Variants in XIRP2 observed in about 807,000 individuals in gnomAD.
XIRP2 encodes xin actin binding repeat containing 2.
A neutral mutation model predicts 277.0 loss-of-function variants in XIRP2; 236 were observed. The ratio of observed to expected loss-of-function variants is 0.85; its 90% CI spans 0.77 to 0.95. XIRP2 has a LOEUF of 0.95. Ranked by LOEUF, XIRP2 falls within the 40% of genes least tolerant of loss-of-function variation. XIRP2 has a pLI of 0.00. For missense variants in XIRP2, 4,640 were observed against 4,157.5 expected (o/e 1.12, Z -3.19); for synonymous variants, 1,490 against 1,416.5 (o/e 1.05, Z -1.17).
chr2:166,961,162 A>C (rs1039523375), intron 2 of XIRP2, among the ~76,000 whole-genome samples: 3 of 151,696 alleles, frequency 2.0e-5, no homozygotes, highest in African/African-American at 7.3e-5. Context: ...TTCTGGGTGA[A>C]GAGAGCACAG....
At chr2:167,083,436 C>T (rs9711407) in intron 2 of XIRP2, among the ~76,000 whole-genome samples, 147,253 of 152,294 alleles carry the variant, frequency 0.97, 71,253 homozygotes, top group Non-Finnish European at 0.99. Context: ...GGCTCTTTTT[C>T]GGTTCCATAT....
At chr2:167,134,402 GCTTTT>G (rs1057058493) in intron 2 of XIRP2, among the ~76,000 whole-genome samples, 5 of 151,502 alleles carry the variant, frequency 3.3e-5, no homozygotes, top group Non-Finnish European at 7.4e-5. Flanking sequence ...AAATTGAAAA[GCTTTT>G]CTTTTCTAAC....
chr2:166,988,435 T>A (rs76885965), intron 2 of XIRP2, among the ~76,000 whole-genome samples: 5,437 of 150,860 alleles, frequency 0.036, 137 homozygotes, highest in East Asian at 0.06. Flanking sequence ...GAAAAAAAAA[T>A]TAATGGGAAA....
chr2:167,091,915 A>G (rs1355343469), intron 2 of XIRP2, among the ~76,000 whole-genome samples: 1 of 152,132 alleles, frequency 6.6e-6, no homozygotes, highest in African/African-American at 2.4e-5. Flanking sequence ...TCAGGGTCCA[A>G]TCCCAAAGTC....
At position 167,258,466 on chromosome 2, in the gene XIRP2, T is replaced by C. The variant is rs1415475384; in HGVS notation, c.*649T>C. On this transcript the variant is annotated 3_prime_UTR_variant, in exon 11 of 11. Transcript: ENST00000409195. ...AGGAAGGAAGGAAGAATGTGCAAGATAGGCCGAGTGAAGCTGAAGACACAA... is the reference window on the plus strand; with the variant it reads ...AGGAAGGAAGGAAGAATGTGCAAGACAGGCCGAGTGAAGCTGAAGACACAA... 1 of 1,613,004 alleles carries C rather than the reference T, an allele frequency of 6.2e-7. No individual in the cohort carries two copies. Among genetic ancestry groups the C allele is most frequent in the African/African-American group, 1.3e-5 (1 of 74,776 alleles).
intron 2 of XIRP2, among the ~76,000 whole-genome samples, chr2:167,056,739 A>G (rs1177976234): frequency 6.6e-6 from 1 of 152,158 alleles, no homozygotes; most frequent in African/African-American, 2.4e-5. Context: ...TACAGGTATG[A>G]TGAGTCATTT....
At chr2:167,016,870 T>G (rs1248014416) in intron 2 of XIRP2, among the ~76,000 whole-genome samples, 1 of 151,966 alleles carries the variant, frequency 6.6e-6, no homozygotes, top group Non-Finnish European at 1.5e-5. Context: ...AGTAGTTTAG[T>G]GACTTAGGGA....
chr2:167,172,429 A>G (rs1286302017), intron 3 of XIRP2, among the ~76,000 whole-genome samples: 1 of 152,098 alleles, frequency 6.6e-6, no homozygotes, highest in Admixed American at 6.5e-5. Context: ...GCAGACAAGC[A>G]GTCTGACCAA....
chr2:167,254,045 A>G lies in XIRP2; in HGVS notation c.10569A>G (p.Pro3523=), dbSNP rs755645069. The G allele has an allele frequency of 1.1e-5, 17 of 1,593,102 alleles. No homozygotes were observed. The South Asian group carries it at 1.9e-4, about 18-fold the overall frequency. Residue 3523 remains proline, a synonymous_variant, in exon 10 of 11, where the codon CCA becomes CCG. Transcript: ENST00000409195. Reference sequence around the variant, plus strand: ...TTTTATTTTTAGAAGCTGCTGCTCCAAGACAAGGAAATATGTATACTTTGT... The same window carrying G: ...TTTTATTTTTAGAAGCTGCTGCTCCGAGACAAGGAAATATGTATACTTTGT... ...ESAFISEAAA[P]RQGNMYTLSK... is the part of the protein sequence containing the mutation.
At chr2:166,916,275 C>A (rs956588903) in intron 2 of XIRP2, among the ~76,000 whole-genome samples, 5 of 152,298 alleles carry the variant, frequency 3.3e-5, no homozygotes, top group African/African-American at 1.2e-4. Flanking sequence ...TAAACCCAGA[C>A]ATGTGGGACT....
intron 2 of XIRP2, among the ~76,000 whole-genome samples, chr2:166,939,357 G>A (rs1685623083): frequency 6.6e-6 from 1 of 152,038 alleles, no homozygotes; most frequent in African/African-American, 2.4e-5. Context: ...ATGAAGCTTA[G>A]TTTGGCTTGA....
At chr2:167,160,589 C>A (rs1361598039) in intron 3 of XIRP2, among the ~76,000 whole-genome samples, 1 of 152,114 alleles carries the variant, frequency 6.6e-6, no homozygotes, top group Non-Finnish European at 1.5e-5. Flanking sequence ...CTTTTTAAAA[C>A]CATCAGATCT....
intron 2 of XIRP2, among the ~76,000 whole-genome samples, chr2:167,092,835 G>A (rs1415174953): frequency 1.3e-5 from 2 of 152,056 alleles, no homozygotes; most frequent in African/African-American, 4.8e-5. Context: ...GCCAGATACT[G>A]ATCCAGAAAA....
At chr2:166,953,396 T>C (rs770577028) in intron 2 of XIRP2, among the ~76,000 whole-genome samples, 1 of 151,938 alleles carries the variant, frequency 6.6e-6, no homozygotes, top group African/African-American at 2.4e-5. Context: ...TAAAAGGAAG[T>C]TTCCCTGCAC....
chr2:167,000,539 A>G (rs1402538224), intron 2 of XIRP2, among the ~76,000 whole-genome samples: 1 of 149,812 alleles, frequency 6.7e-6, no homozygotes, highest in Non-Finnish European at 1.5e-5. Flanking sequence ...TATGATCAAC[A>G]TGGCTTTAGA....
intron 3 of XIRP2, among the ~76,000 whole-genome samples, chr2:167,170,891 C>CT (rs1692668299): frequency 8.1e-6 from 1 of 122,886 alleles, no homozygotes; most frequent in African/African-American, 3.1e-5. Context: ...TTTTGCCTTT[C>CT]TTCTTTTTTT....
chr2:166,976,696 CCT>C (rs953335692), intron 2 of XIRP2, among the ~76,000 whole-genome samples: 1 of 152,016 alleles, frequency 6.6e-6, no homozygotes, highest in East Asian at 1.9e-4. Flanking sequence ...TGTCACAGCC[CCT>C]GTCTTACAGT....
At chr2:167,106,402 C>T (rs1157853837) in intron 2 of XIRP2, among the ~76,000 whole-genome samples, 1 of 151,708 alleles carries the variant, frequency 6.6e-6, no homozygotes, top group Admixed American at 6.6e-5. Flanking sequence ...GTTGTTCCAG[C>T]AATTACTGAA....
At chr2:167,203,174 G>A (rs1445085643) in intron 3 of XIRP2, among the ~76,000 whole-genome samples, 5 of 152,110 alleles carry the variant, frequency 3.3e-5, no homozygotes, top group Non-Finnish European at 7.3e-5. Context: ...ATATTCATAG[G>A]TCCTGGGGAT....
Sources: allele counts gnomAD v4.1 joint callset (sites outside exome capture counted in the v4.1 genomes callset), GRCh38; gene constraint gnomAD v4.1.1; transcripts MANE v1.5; gene names NCBI Gene and HGNC (gene_info 2026-07-23, HGNC 2026-07-21).